TMEM163: variants seen among roughly 807,000 people sequenced by gnomAD.
TMEM163 encodes transmembrane protein 163.
TMEM163 carries 17 observed loss-of-function variants against 29.3 expected under a neutral mutation model. The observed-to-expected ratio is 0.58, with a 90% confidence interval of 0.40 to 0.87. The LOEUF is 0.87. Ranked by LOEUF, TMEM163 falls within the 40% of genes least tolerant of loss-of-function variation. The probability of loss-of-function intolerance (pLI) is 0.00; values close to 1 mark genes in which losing one functional copy is unlikely to be tolerated. For synonymous variants in TMEM163, 157 were observed against 160.6 expected (o/e 0.98, Z 0.17); for missense variants, 303 against 381.5 (o/e 0.79, Z 1.71).
intron 2 of TMEM163, among the ~76,000 whole-genome samples, chr2:134,588,065 C>G (rs1681859873): frequency 6.6e-6 from 1 of 152,192 alleles, no homozygotes; most frequent in Admixed American, 6.5e-5. Context: ...TCTCCATAAG[C>G]CAAAGTCTAC....
At chr2:134,474,156 C>T (rs1219424303) in intron 5 of TMEM163, among the ~76,000 whole-genome samples, 2 of 152,168 alleles carry the variant, frequency 1.3e-5, no homozygotes, top group Non-Finnish European at 2.9e-5. Context: ...AAGGATAATA[C>T]AACATGACCA....
chr2:134,707,754 C>T (rs1684846686), intron 2 of TMEM163, among the ~76,000 whole-genome samples: 1 of 151,864 alleles, frequency 6.6e-6, no homozygotes, highest in South Asian at 2.1e-4. Context: ...GGTGAGGCCT[C>T]TTTGGGGAGG....
chr2:134,559,137 T>C (rs1309964477), intron 2 of TMEM163, among the ~76,000 whole-genome samples: 1 of 152,150 alleles, frequency 6.6e-6, no homozygotes, highest in Non-Finnish European at 1.5e-5. Context: ...TGTCCCTTTC[T>C]CCCAGTGGTG....
chr2:134,582,356 T>C (rs937737420), intron 2 of TMEM163, among the ~76,000 whole-genome samples: 2 of 152,204 alleles, frequency 1.3e-5, no homozygotes, highest in Admixed American at 6.5e-5. Flanking sequence ...ACAGCTGCCA[T>C]GCGGGGGCCG....
At chr2:134,672,671 C>T (rs922331819) in intron 2 of TMEM163, among the ~76,000 whole-genome samples, 1 of 152,178 alleles carries the variant, frequency 6.6e-6, no homozygotes, top group African/African-American at 2.4e-5. Context: ...GCCACTGTGC[C>T]TGGCCTTAAA....
intron 5 of TMEM163, among the ~76,000 whole-genome samples, chr2:134,501,727 G>A (rs1209652905): frequency 6.6e-6 from 1 of 152,198 alleles, no homozygotes; most frequent in Non-Finnish European, 1.5e-5. Context: ...TGGTTAAGTA[G>A]GAGATGAAGA....
chr2:134,615,988 C>A (rs375894788), intron 2 of TMEM163, among the ~76,000 whole-genome samples: 8 of 152,060 alleles, frequency 5.3e-5, no homozygotes, highest in African/African-American at 1.7e-4. Context: ...AAATTTTAAA[C>A]AAGTGGGATC....
chr2:134,465,194 A>AAAAAAAAAAAC (rs1553471754), intron 6 of TMEM163, among the ~76,000 whole-genome samples: 1 of 138,568 alleles, frequency 7.2e-6, no homozygotes, highest in African/African-American at 3.1e-5. Context: ...ATCTTTAAAA[A>AAAAAAAAAAAC]AAAAAAAAAC....
At chr2:134,466,070 TG>T (rs774869101) in intron 6 of TMEM163, 43 bp downstream of exon 6, 1 of 1,449,616 alleles carries the variant, frequency 6.9e-7, no homozygotes, top group South Asian at 1.2e-5. Flanking sequence ...CTTCCTCCAC[TG>T]TGAGCCCAGC....
chr2:134,465,934 A>G (rs1398278013), intron 6 of TMEM163, among the ~76,000 whole-genome samples, 180 bp downstream of exon 6: 1 of 152,212 alleles, frequency 6.6e-6, no homozygotes, highest in Non-Finnish European at 1.5e-5. Flanking sequence ...GGCACAGGAT[A>G]TCTGCCCTGA....
At chr2:134,536,783 G>T (rs145867875) in intron 4 of TMEM163, among the ~76,000 whole-genome samples, 1 of 152,272 alleles carries the variant, frequency 6.6e-6, no homozygotes, top group East Asian at 1.9e-4. Context: ...ATTAGAAAAG[G>T]AACTATACAA....
At chr2:134,642,422 G>A (rs143442334) in intron 2 of TMEM163, among the ~76,000 whole-genome samples, 78 of 152,130 alleles carry the variant, frequency 5.1e-4, no homozygotes, top group African/African-American at 1.8e-3. Flanking sequence ...GAGCCACCGC[G>A]AACGGCCACC....
chr2:134,524,402 T>C (rs1680249564), intron 4 of TMEM163, among the ~76,000 whole-genome samples: 1 of 150,914 alleles, frequency 6.6e-6, no homozygotes, highest in South Asian at 2.2e-4. Context: ...CTGGGATACA[T>C]GCGCAGGACG....
At chr2:134,600,135 G>A (rs6707326) in intron 2 of TMEM163, among the ~76,000 whole-genome samples, 54,797 of 152,122 alleles carry the variant, frequency 0.36, 12,708 homozygotes, top group Non-Finnish European at 0.53. Flanking sequence ...TGTAATGAAT[G>A]ACTACATAAC....
intron 6 of TMEM163, chr2:134,458,828 A>G (rs983345036): frequency 1.3e-5 from 2 of 152,208 alleles, no homozygotes; most frequent in African/African-American, 4.8e-5. Context: ...TGTAAAGTCT[A>G]TTATGCTAAG....
chr2:134,578,475 C>T (rs1232901594), intron 2 of TMEM163, among the ~76,000 whole-genome samples: 1 of 152,102 alleles, frequency 6.6e-6, no homozygotes, highest in Admixed American at 6.5e-5. Context: ...TTGTCATGCC[C>T]GTGAACAGAG....
At chr2:134,559,942 G>C (rs1293112263) in intron 2 of TMEM163, among the ~76,000 whole-genome samples, 1 of 152,072 alleles carries the variant, frequency 6.6e-6, no homozygotes, top group Non-Finnish European at 1.5e-5. Context: ...TGGTCCTTAG[G>C]ATGGAGGAAG....
chr2:134,699,726 T>C (rs1490077609), intron 2 of TMEM163, among the ~76,000 whole-genome samples: 2 of 152,200 alleles, frequency 1.3e-5, no homozygotes. Context: ...AGTCTACCAC[T>C]GTAATTATGA....
intron 4 of TMEM163, among the ~76,000 whole-genome samples, chr2:134,537,502 C>T (rs974450156): frequency 3.9e-5 from 6 of 152,176 alleles, no homozygotes; most frequent in Admixed American, 1.3e-4. Flanking sequence ...ACCTCATAAC[C>T]TCATCTAACC....
Sources: gnomAD v4.1 joint callset for allele counts (sites outside exome capture counted in the v4.1 genomes callset) on GRCh38, gnomAD v4.1.1 for gene constraint, MANE v1.5 for transcripts, NCBI Gene and HGNC (gene_info 2026-07-23, HGNC 2026-07-21) for gene names.